Variants in SLC24A2 observed in about 807,000 individuals in gnomAD.
SLC24A2 encodes solute carrier family 24 member 2.
In SLC24A2, 36 loss-of-function variants were observed where a neutral mutation model predicts 62.0. The observed-to-expected ratio is 0.58, with a 90% confidence interval of 0.44 to 0.77. The LOEUF (loss-of-function observed/expected upper bound fraction) is 0.77. Among genes scored for constraint, SLC24A2 ranks in the 30% least tolerant of loss-of-function variants. The pLI, the probability that SLC24A2 is intolerant of heterozygous loss-of-function variation, is 0.00. For synonymous variants in SLC24A2, 358 were observed against 294.0 expected (o/e 1.22, Z -2.23); for missense variants, 846 against 817.9 (o/e 1.03, Z -0.42).
At chr9:19,526,791 TG>T (rs1200980365) in intron 9 of SLC24A2, among the ~76,000 whole-genome samples, 1 of 152,134 alleles carries the variant, frequency 6.6e-6, no homozygotes, top group East Asian at 1.9e-4. Context: ...TTCCAGCCTG[TG>T]GTTTTCCTTT....
chr9:19,859,436 A>G, the SLC24A2 span, among the ~76,000 whole-genome samples: 2 of 152,160 alleles, frequency 1.3e-5, no homozygotes, highest in Admixed American at 6.5e-5. Context: ...CTGTACATCA[A>G]ACCCCCAAGA....
chr9:19,970,215 A>G, the SLC24A2 span, among the ~76,000 whole-genome samples: 4 of 152,198 alleles, frequency 2.6e-5, no homozygotes, highest in Admixed American at 2.6e-4. Flanking sequence ...TTCCCCTGAA[A>G]GTGGAAGGGA....
At chr9:20,107,167 A>G in the SLC24A2 span, among the ~76,000 whole-genome samples, 2 of 152,356 alleles carry the variant, frequency 1.3e-5, no homozygotes, top group South Asian at 4.1e-4. Context: ...AAGGAGAACT[A>G]CAAACCACTG....
the SLC24A2 span, among the ~76,000 whole-genome samples, chr9:20,291,203 G>C: frequency 3.3e-5 from 5 of 152,150 alleles, no homozygotes; most frequent in African/African-American, 4.8e-5. Context: ...TAGCAATATG[G>C]ACGTGGAAAA....
At chr9:19,956,051 T>C in the SLC24A2 span, among the ~76,000 whole-genome samples, 1 of 152,218 alleles carries the variant, frequency 6.6e-6, no homozygotes, top group African/African-American at 2.4e-5. Context: ...CATTAAGAAC[T>C]GGCTGCAGGA....
chr9:20,283,854 G>A, the SLC24A2 span, among the ~76,000 whole-genome samples: 2 of 151,982 alleles, frequency 1.3e-5, no homozygotes, highest in Admixed American at 6.6e-5. Context: ...CTTGCCCTCT[G>A]GAATTGAGCA....
chr9:20,057,726 G>C, the SLC24A2 span, among the ~76,000 whole-genome samples: 1 of 152,136 alleles, frequency 6.6e-6, no homozygotes, highest in African/African-American at 2.4e-5. Flanking sequence ...GTAAGTAATA[G>C]TAATCCATTT....
At chr9:20,193,613 T>G in the SLC24A2 span, among the ~76,000 whole-genome samples, 4 of 152,068 alleles carry the variant, frequency 2.6e-5, no homozygotes, top group African/African-American at 9.7e-5. Context: ...GATTCTAAAA[T>G]TAATACTGGA....
chr9:19,875,396 G>A, the SLC24A2 span, among the ~76,000 whole-genome samples: 2 of 152,214 alleles, frequency 1.3e-5, no homozygotes, highest in African/African-American at 4.8e-5. Context: ...ACAAAACTTA[G>A]TTCAAGATGG....
At chr9:19,724,897 G>A (rs531464976) in intron 2 of SLC24A2, among the ~76,000 whole-genome samples, 2 of 152,270 alleles carry the variant, frequency 1.3e-5, no homozygotes, top group Non-Finnish European at 2.9e-5. Flanking sequence ...GCAAACTACA[G>A]TTAAATCCAA....
At chr9:19,772,521 A>G (rs1461895547) in intron 2 of SLC24A2, among the ~76,000 whole-genome samples, 2 of 152,226 alleles carry the variant, frequency 1.3e-5, no homozygotes, top group East Asian at 1.9e-4. Context: ...CTGAAACTCA[A>G]TAATAAGGCA....
At chr9:20,184,306 T>G in the SLC24A2 span, among the ~76,000 whole-genome samples, 18 of 152,316 alleles carry the variant, frequency 1.2e-4, no homozygotes, top group South Asian at 2.5e-3. Flanking sequence ...ATCCCAGCAC[T>G]TTTGGAGGCT....
the SLC24A2 span, among the ~76,000 whole-genome samples, chr9:20,231,404 T>C: frequency 2.0e-5 from 3 of 152,232 alleles, no homozygotes; most frequent in African/African-American, 7.2e-5. Context: ...ACCTCTTTTA[T>C]TTCATTGAGC....
chr9:19,739,615 G>T (rs1030228879), intron 2 of SLC24A2, among the ~76,000 whole-genome samples: 1 of 152,094 alleles, frequency 6.6e-6, no homozygotes, highest in African/African-American at 2.4e-5. Context: ...ATTGATATGC[G>T]GGAAGAAAAG....
chr9:20,234,037 A>G, the SLC24A2 span, among the ~76,000 whole-genome samples: 1 of 152,146 alleles, frequency 6.6e-6, no homozygotes, highest in Non-Finnish European at 1.5e-5. Context: ...TTTTCTTTAA[A>G]AATGTTGAAT....
At chr9:19,534,847 G>T (rs986978454) in intron 8 of SLC24A2, among the ~76,000 whole-genome samples, 17 of 152,144 alleles carry the variant, frequency 1.1e-4, no homozygotes, top group African/African-American at 4.1e-4. Flanking sequence ...ATAGTAGAAT[G>T]ATTTATAATC....
upstream of SLC24A2, among the ~76,000 whole-genome samples, chr9:19,789,953 A>T (rs1413813937): frequency 6.6e-6 from 1 of 152,142 alleles, no homozygotes; most frequent in Non-Finnish European, 1.5e-5. Context: ...GTATATCCTG[A>T]GAGCTCATGA....
the SLC24A2 span, among the ~76,000 whole-genome samples, chr9:20,155,945 G>A: frequency 2.0e-5 from 3 of 151,746 alleles, no homozygotes; most frequent in South Asian, 4.2e-4. Flanking sequence ...ACAAAATAAG[G>A]AGAGTAATTT....
At chr9:19,684,865 GA>G (rs1819833872) in intron 2 of SLC24A2, among the ~76,000 whole-genome samples, 1 of 151,986 alleles carries the variant, frequency 6.6e-6, no homozygotes, top group East Asian at 1.9e-4. Flanking sequence ...GCAGGCAAGA[GA>G]AAGAAATAAA....
Sources: gnomAD v4.1 joint callset for allele counts (sites outside exome capture counted in the v4.1 genomes callset) on GRCh38, gnomAD v4.1.1 for gene constraint, MANE v1.5 for transcripts, NCBI Gene and HGNC (gene_info 2026-07-23, HGNC 2026-07-21) for gene names.